TENM2: variants seen among roughly 807,000 people sequenced by gnomAD.
TENM2 encodes teneurin-2.
A neutral mutation model predicts 245.2 loss-of-function variants in TENM2; 52 were observed. The ratio of observed to expected loss-of-function variants is 0.21; its 90% confidence interval spans 0.17 to 0.27. TENM2 has a LOEUF of 0.27. Among genes scored for constraint, TENM2 ranks in the 10% least tolerant of loss-of-function variants. The probability of loss-of-function intolerance (pLI) is 1.00; values close to 1 mark genes in which losing one functional copy is unlikely to be tolerated. For synonymous variants in TENM2, 1,363 were observed against 1,438.9 expected, an observed-to-expected ratio of 0.95 and a Z score of 1.19; for missense variants, 3,046 against 3,666.8, an observed-to-expected ratio of 0.83 and a Z score of 4.37.
the TENM2 span, among the ~76,000 whole-genome samples, chr5:167,158,619 C>T: frequency 6.6e-6 from 1 of 152,086 alleles, no homozygotes; most frequent in African/African-American, 2.4e-5. Context: ...TTGCAAAAGG[C>T]CATCTTCTCC....
chr5:167,143,753 C>T, the TENM2 span, among the ~76,000 whole-genome samples: 2 of 152,090 alleles, frequency 1.3e-5, no homozygotes, highest in Admixed American at 6.6e-5. Context: ...CTAACTAAGC[C>T]GATTCTTACA....
intron 2 of TENM2, among the ~76,000 whole-genome samples, chr5:167,457,788 G>A (rs1766013551): frequency 6.6e-6 from 1 of 152,130 alleles, no homozygotes; most frequent in Non-Finnish European, 1.5e-5. Flanking sequence ...CAACATTTCT[G>A]TTCTTTTTCT....
chr5:167,941,279 A>T (rs1176343627), intron 3 of TENM2, among the ~76,000 whole-genome samples: 2 of 152,212 alleles, frequency 1.3e-5, no homozygotes, highest in Non-Finnish European at 2.9e-5. Context: ...ACCAGAACTC[A>T]AGGAAACACA....
chr5:168,102,911 G>A lies in TENM2; in HGVS notation c.1813+4784G>A, dbSNP rs1043991136. Among the ~76,000 whole-genome samples the A allele has an allele frequency of 4.6e-5, 7 of 152,100 alleles. No homozygotes were observed. In the South Asian group the frequency reaches 1.5e-3, roughly 32 times the overall value. On this transcript the variant is annotated intron_variant, in intron 9 of 28. Transcript: ENST00000518659. ...TTTTTTAATTATACTTCAAGTTTTA[G>A]GGTACATGTGCACAACGTGCATGTT...
At chr5:167,453,222 C>T (rs1765716253) in intron 2 of TENM2, among the ~76,000 whole-genome samples, 1 of 151,764 alleles carries the variant, frequency 6.6e-6, no homozygotes, top group Non-Finnish European at 1.5e-5. Context: ...AGGTTAAATA[C>T]TTTTTTAAAT....
intron 18 of TENM2, among the ~76,000 whole-genome samples, 165 bp from the exon 21 acceptor site, chr5:168,204,207 G>A (rs1035678204): frequency 4.6e-5 from 7 of 151,674 alleles, no homozygotes; most frequent in Non-Finnish European, 8.8e-5. Context: ...CAGCATTTGG[G>A]GTCCACCTCT....
intron 2 of TENM2, among the ~76,000 whole-genome samples, chr5:167,847,604 A>G (rs993775670): frequency 4.6e-5 from 7 of 152,126 alleles, no homozygotes; most frequent in African/African-American, 1.7e-4. Flanking sequence ...ATTCCTTCAT[A>G]CCTTCACCTC....
intron 2 of TENM2, among the ~76,000 whole-genome samples, chr5:167,489,745 C>G (rs922637537): frequency 1.3e-5 from 2 of 152,046 alleles, no homozygotes; most frequent in Non-Finnish European, 2.9e-5. Context: ...GATATACATG[C>G]TTTTCGTAAG....
the TENM2 span, among the ~76,000 whole-genome samples, chr5:167,242,256 G>C: frequency 6.6e-6 from 1 of 151,954 alleles, no homozygotes; most frequent in African/African-American, 2.4e-5. Context: ...CCCCATGTTG[G>C]CCAGGCTGGT....
At chr5:168,216,169 GAC>G (rs1763176331) in intron 21 of TENM2, among the ~76,000 whole-genome samples, 1 of 152,170 alleles carries the variant, frequency 6.6e-6, no homozygotes. Flanking sequence ...CTGGGGCAAA[GAC>G]ACAAAATAAA....
chr5:167,772,796 A>G (rs1763490494), intron 2 of TENM2, among the ~76,000 whole-genome samples: 1 of 152,202 alleles, frequency 6.6e-6, no homozygotes. Flanking sequence ...AGTTTTCCAT[A>G]TGTTTAACCT....
At chr5:167,273,424 A>G in the TENM2 span, among the ~76,000 whole-genome samples, 17,192 of 152,144 alleles carry the variant, frequency 0.11, 1,133 homozygotes, top group East Asian at 0.18. Flanking sequence ...CTTTTTAAAA[A>G]CAGTCTCTAA....
At chr5:167,890,999 C>T (rs186714634) in intron 3 of TENM2, among the ~76,000 whole-genome samples, 4 of 152,178 alleles carry the variant, frequency 2.6e-5, no homozygotes, top group African/African-American at 9.6e-5. Context: ...TTTCAAGTGA[C>T]TTACTGGTGG....
chr5:167,187,037 T>A, the TENM2 span, among the ~76,000 whole-genome samples: 1 of 152,178 alleles, frequency 6.6e-6, no homozygotes, highest in African/African-American at 2.4e-5. Flanking sequence ...GACACACAGT[T>A]GTCATTCAAT....
chr5:167,567,309 G>A (rs1330375133), intron 2 of TENM2, among the ~76,000 whole-genome samples: 1 of 152,112 alleles, frequency 6.6e-6, no homozygotes, highest in African/African-American at 2.4e-5. Context: ...CAAGAAGGAA[G>A]CATTATGAGG....
At chr5:168,254,230 C>T (rs558677352) in intron 27 of TENM2, among the ~76,000 whole-genome samples, 3 of 152,332 alleles carry the variant, frequency 2.0e-5, no homozygotes, top group Admixed American at 2.0e-4. Context: ...AGTGCCAGCT[C>T]CTGCCCAAGC....
At chr5:168,135,333 A>G (rs923269441) in intron 12 of TENM2, among the ~76,000 whole-genome samples, 5 of 152,168 alleles carry the variant, frequency 3.3e-5, no homozygotes, top group African/African-American at 9.7e-5. Context: ...TTTCCTCGCA[A>G]GTTTCCTGCC....
chr5:167,120,810 T>C, the TENM2 span, among the ~76,000 whole-genome samples: 2 of 152,210 alleles, frequency 1.3e-5, no homozygotes, highest in Non-Finnish European at 2.9e-5. Flanking sequence ...ACTCTTAAGA[T>C]TGGCTGCTTG....
intron 2 of TENM2, among the ~76,000 whole-genome samples, chr5:167,869,274 C>T (rs1772604302): frequency 6.6e-6 from 1 of 152,150 alleles, no homozygotes; most frequent in African/African-American, 2.4e-5. Flanking sequence ...TTATTTGGAG[C>T]AGGGTAGAAA....
Sources: gnomAD v4.1 joint callset for allele counts (sites outside exome capture counted in the v4.1 genomes callset) on GRCh38, gnomAD v4.1.1 for gene constraint, MANE v1.5 for transcripts, NCBI Gene and HGNC (gene_info 2026-07-23, HGNC 2026-07-21) for gene names.